RAPH1: variants seen among roughly 807,000 people sequenced by gnomAD.
The protein encoded by RAPH1 is ras-associated and pleckstrin homology domains-containing protein 1.
RAPH1 carries 18 observed loss-of-function variants against 88.1 expected under a neutral mutation model. That is an observed-to-expected ratio of 0.20 (90% CI 0.14 to 0.30). The LOEUF (loss-of-function observed/expected upper bound fraction) is 0.30, where lower values mean the gene tolerates loss of function less well. Ranked by LOEUF, RAPH1 falls within the 10% of genes least tolerant of loss-of-function variation. The pLI, the probability that RAPH1 is intolerant of heterozygous loss-of-function variation, is 1.00. For missense variants in RAPH1, 1,448 were observed against 1,543.2 expected (o/e 0.94, Z 1.03); for synonymous variants, 587 against 559.0 (o/e 1.05, Z -0.71).
intron 12 of RAPH1, chr2:203,445,641 C>G (rs1385585331): frequency 6.6e-6 from 1 of 152,360 alleles, no homozygotes; most frequent in Non-Finnish European, 1.5e-5. Flanking sequence ...CATACAGTGT[C>G]TCTTTGCCGC....
At position 203,434,883 on chromosome 2, in the gene RAPH1, G is replaced by C. The variant is rs1443990725; in HGVS notation, c.*4554C>G. ...AAAGCAGCCAGACCCCACGTGGGTA[G>C]TGATGTCTCTTGTGAGACACTTTTC... On this transcript the variant is annotated 3_prime_UTR_variant, in exon 14 of 14. Transcript: ENST00000319170. 1 of 152,628 alleles carries C rather than the reference G, an allele frequency of 6.6e-6. No homozygotes were observed. Among genetic ancestry groups the C allele is most frequent in the Non-Finnish European group, 1.5e-5 (1 of 68,036 alleles). The allele number at this position is 152,628 out of a possible 1,614,324, so 9.5% of individuals were successfully genotyped here.
In RAPH1 at chr2:203,439,410, T is replaced by TG; in HGVS notation, c.*26_*27insC. 1 of 1,600,384 alleles carries TG rather than the reference T, an allele frequency of 6.2e-7. No homozygotes were observed. The highest frequency in any genetic ancestry group is 1.3e-5 in the African/African-American group (1 of 74,722). On this transcript the variant is annotated 3_prime_UTR_variant, in exon 14 of 14. Transcript: ENST00000319170. ...AGCTGATTGTAGCAGTGATTACAGATATCATGAAAATAAAGTCCTATGGTG... is the reference window on the plus strand; with the variant it reads ...AGCTGATTGTAGCAGTGATTACAGATGATCATGAAAATAAAGTCCTATGGTG...
intron 4 of RAPH1, among the ~76,000 whole-genome samples, chr2:203,488,455 G>A (rs1036483494): frequency 2.0e-5 from 3 of 151,726 alleles, no homozygotes; most frequent in Non-Finnish European, 2.9e-5. Context: ...CAGGCATGGT[G>A]GCACACGCCT....
rs191610855 is a variant in RAPH1 at position 203,494,644 on chromosome 2, T to C, written c.120+590A>G. 3.2e-3 allele frequency among the ~76,000 whole-genome samples: 487 copies of C among 151,626 alleles called. 4 individuals are homozygous for C. The highest frequency in any genetic ancestry group is 4.5e-3 in the Non-Finnish European group (306 of 67,894). ...TAACACAGTGAAACCCCGTCTCTAC[T>C]AAAAAATACAAAAAATTAGCCGGGC... On this transcript the variant is annotated intron_variant, in intron 2 of 13. Coordinates refer to ENST00000319170, the MANE Select transcript of RAPH1 (RefSeq NM_213589.3).
Position 203,439,791 on chromosome 2 carries a change from G to T in RAPH1, c.3399C>A (p.Leu1133=), listed in dbSNP as rs200405752. 5.1e-5 allele frequency: 82 copies of T among 1,614,180 alleles called. No homozygotes were observed. Among genetic ancestry groups the T allele is most frequent in the Middle Eastern group, 1.6e-4 (1 of 6,062 alleles). ...GCTGCTCAGAAATCTCAGCTTGAGTGAGGCGGGTGCTATCATTCCGTTTGG... is the reference window on the plus strand; with the variant it reads ...GCTGCTCAGAAATCTCAGCTTGAGTTAGGCGGGTGCTATCATTCCGTTTGG... ...TRPKRNDSTR[L]TQAEISEQPT... The change falls in exon 14 of 14, where the codon CTC becomes CTA. Residue 1133 remains leucine, a synonymous_variant. Coordinates refer to ENST00000319170, the MANE Select transcript of RAPH1 (RefSeq NM_213589.3).
chr2:203,485,202 G>C (rs1018051610), intron 4 of RAPH1, among the ~76,000 whole-genome samples: 1 of 151,986 alleles, frequency 6.6e-6, no homozygotes. Flanking sequence ...TCAGGAGTTC[G>C]AGACCAGCCT....
intron 13 of RAPH1, chr2:203,442,027 G>C (rs2098504718): frequency 6.4e-7 from 1 of 1,569,722 alleles, no homozygotes; most frequent in Admixed American, 2.0e-5. Context: ...CATCCAACAT[G>C]CACAGAAGTC....
intron 1 of RAPH1, among the ~76,000 whole-genome samples, chr2:203,504,546 G>A (rs1453508459): frequency 6.6e-6 from 1 of 152,180 alleles, no homozygotes; most frequent in Non-Finnish European, 1.5e-5. Context: ...TCTGGGCCCT[G>A]TGATGGGAGG....
At chr2:203,510,404 C>T (rs950396876) in intron 1 of RAPH1, among the ~76,000 whole-genome samples, 2 of 149,048 alleles carry the variant, frequency 1.3e-5, no homozygotes, top group Admixed American at 1.3e-4. Context: ...AATCCCTTAC[C>T]AAAGGCTGTA....
At chr2:203,508,221 CAAA>C (rs768340713) in intron 1 of RAPH1, among the ~76,000 whole-genome samples, 11 of 58,586 alleles carry the variant, frequency 1.9e-4, no homozygotes, top group African/African-American at 4.1e-4. Context: ...GACTCTGTCT[CAAA>C]AAAAAAAAAA....
At chr2:203,533,695 T>C (rs1290785663) in intron 1 of RAPH1, among the ~76,000 whole-genome samples, 1 of 152,020 alleles carries the variant, frequency 6.6e-6, no homozygotes, top group Non-Finnish European at 1.5e-5. Flanking sequence ...TACTATATAG[T>C]TCACTGTATT....
chr2:203,473,377 G>A (rs1034317645), intron 4 of RAPH1, among the ~76,000 whole-genome samples: 23 of 152,280 alleles, frequency 1.5e-4, no homozygotes, highest in Non-Finnish European at 2.8e-4. Context: ...GGGGTGGGGT[G>A]AAACTGGTTA....
rs941283007 is a variant in RAPH1 at position 203,435,789 on chromosome 2, T to C, written c.*3648A>G. Reference sequence around the variant, plus strand: ...GTTTTTTACCTGTTTAAAGTCACTTTGTGTTTATAACAAAATTACTTTTAG... The same window carrying C: ...GTTTTTTACCTGTTTAAAGTCACTTCGTGTTTATAACAAAATTACTTTTAG... On this transcript the variant is annotated 3_prime_UTR_variant, in exon 14 of 14. Transcript: ENST00000319170. The C allele has an allele frequency of 9.2e-5, 14 of 152,348 alleles. No homozygotes were observed. Among genetic ancestry groups the C allele is most frequent in the African/African-American group, 3.4e-4 (14 of 41,578 alleles). The allele number at this position is 152,348 out of a possible 1,614,324, so 9.4% of individuals were successfully genotyped here. A position where few individuals can be genotyped will look rare whatever the true frequency, so the allele number is the denominator to read the frequency against.
At chr2:203,506,033 A>T (rs1316792520) in intron 1 of RAPH1, among the ~76,000 whole-genome samples, 1 of 152,160 alleles carries the variant, frequency 6.6e-6, no homozygotes, top group African/African-American at 2.4e-5. Context: ...AAGCCTCACG[A>T]GGGAGGCAGC....
At chr2:203,523,210 G>A (rs150623525) in intron 1 of RAPH1, among the ~76,000 whole-genome samples, 8 of 151,998 alleles carry the variant, frequency 5.3e-5, no homozygotes, top group African/African-American at 9.6e-5. Flanking sequence ...TGGTTAACAC[G>A]GTTAAACCCC....
At position 203,489,964 on chromosome 2, in the gene RAPH1, T is replaced by C. The variant is rs763934613; in HGVS notation, c.352A>G (p.Thr118Ala). Residue 118 changes from threonine (T) to alanine (A), a missense_variant, in exon 4 of 14, where the codon ACT (threonine) becomes GCT (alanine). By Grantham distance (58) the Thr-to-Ala change is moderately conservative. Coordinates refer to ENST00000319170, the MANE Select transcript of RAPH1 (RefSeq NM_213589.3). ...SKRQITETKATQKLPVSRHTL... is the reference protein window; with the variant it reads ...SKRQITETKAAQKLPVSRHTL... ...TGTCGGCTAACAGGCAATTTCTGAG[T>C]AGCTTTCGTTTCTGTGATTTGACGC... is the stretch of plus-strand genomic sequence containing the variant. 1.9e-6 allele frequency: 3 copies of C among 1,614,218 alleles called. No individual in the cohort carries two copies. The highest frequency in any genetic ancestry group is 2.2e-5 in the South Asian group (2 of 91,084).
In RAPH1 at chr2:203,526,461, A is replaced by G. The variant is rs147094971; in HGVS notation, c.-1+8650T>C. ...ATACACTGGCCAGGCGAGATGGCTC[A>G]GGCCTGTAATCCCAGCACTTTGCGA... is the stretch of plus-strand genomic sequence containing the variant. On this transcript the variant is annotated intron_variant, in intron 1 of 13. Transcript: ENST00000319170. 7.4e-3 allele frequency among the ~76,000 whole-genome samples: 1,127 copies of G among 152,258 alleles called. 9 individuals carry two copies. Among genetic ancestry groups the G allele is most frequent in the African/African-American group, 0.026 (1,064 of 41,558 alleles).
Position 203,441,165 on chromosome 2 carries a change from A to G in RAPH1, c.2025T>C (p.Asn675=), listed in dbSNP as rs1319668945. The G allele has an allele frequency of 1.2e-6, 2 of 1,611,528 alleles. No homozygotes were observed. Among genetic ancestry groups the G allele is most frequent in the Non-Finnish European group, 1.7e-6 (2 of 1,179,516 alleles). ...VKYSTITRLQ[N]ASQHSGALFK... ...ACAGGGCCCCTGAATGCTGAGACGCATTCTGTAGCCGTGTTATTGTGCTGT... is the reference window on the plus strand; with the variant it reads ...ACAGGGCCCCTGAATGCTGAGACGCGTTCTGTAGCCGTGTTATTGTGCTGT... Residue 675 remains asparagine (N), a synonymous_variant, in exon 14 of 14, where the codon AAT becomes AAC. Transcript: ENST00000319170.
intron 1 of RAPH1, among the ~76,000 whole-genome samples, chr2:203,530,808 C>A (rs1435232575): frequency 6.6e-6 from 1 of 151,758 alleles, no homozygotes; most frequent in Non-Finnish European, 1.5e-5. Context: ...AGGAGAATCG[C>A]TTGAGCCTGG....
Sources: allele counts gnomAD v4.1 joint callset (sites outside exome capture counted in the v4.1 genomes callset), GRCh38; gene constraint gnomAD v4.1.1; transcripts MANE v1.5; gene names NCBI Gene and HGNC (gene_info 2026-07-23, HGNC 2026-07-21).